KDM6A: variants seen among roughly 807,000 people sequenced by gnomAD.
KDM6A encodes lysine-specific demethylase 6A.
A neutral mutation model predicts 117.6 loss-of-function variants in KDM6A; 11 were observed. The ratio of observed to expected loss-of-function variants is 0.09; its 90% CI spans 0.06 to 0.15. KDM6A has a LOEUF of 0.15. Ranked by LOEUF, KDM6A falls within the 10% of genes least tolerant of loss-of-function variation. KDM6A has a pLI of 1.00. For missense variants in KDM6A, 799 were observed against 1,077.3 expected, an observed-to-expected ratio of 0.74 and a Z score of 3.62; for synonymous variants, 384 against 396.1, an observed-to-expected ratio of 0.97 and a Z score of 0.36.
At chrX:44,875,926 C>G (rs937215097) in intron 2 of KDM6A, among the ~76,000 whole-genome samples, 1 of 111,576 alleles carries the variant, frequency 9.0e-6, no homozygotes, top group Non-Finnish European at 1.9e-5. Context: ...AATATTAAAC[C>G]CTGCAGTTAT....
intron 8 of KDM6A, among the ~76,000 whole-genome samples, chrX:45,045,137 ATTG>A (rs1249894820): frequency 1.8e-5 from 2 of 111,872 alleles, no homozygotes; most frequent in African/African-American, 6.5e-5. Flanking sequence ...GTAAATTTGT[ATTG>A]TTGTGAATCT....
At position 44,899,224 on chromosome X, in the gene KDM6A, CGTGTGTGTGT is replaced by C. The variant is rs572085670; in HGVS notation, c.225+25268_225+25277del. ...GAGGAAGGGAGGGTGTGTGTGTATGCGTGTGTGTGTGTGTGTGTGTGTGTGTGTGTGTGTG... is the reference window on the plus strand; with the variant it reads ...GAGGAAGGGAGGGTGTGTGTGTATGCGTGTGTGTGTGTGTGTGTGTGTGTG... On this transcript the variant is annotated intron_variant, in intron 2 of 29. Transcript: ENST00000611820. Among the ~76,000 whole-genome samples the C allele has an allele frequency of 9.3e-4, 46 of 49,284 alleles. 1 individual carries two copies. Among genetic ancestry groups the C allele is most frequent in the African/African-American group, 2.8e-3 (34 of 12,075 alleles). The allele number at this position is 49,284 out of a possible 115,157, so 42.8% of individuals were successfully genotyped here. A position where few individuals can be genotyped will look rare whatever the true frequency, so the allele number is the denominator to read the frequency against.
intron 5 of KDM6A, among the ~76,000 whole-genome samples, chrX:45,013,059 A>G (rs1480376924): frequency 5.4e-5 from 6 of 111,986 alleles, no homozygotes; most frequent in Admixed American, 9.5e-5. Context: ...TTCAAATTCT[A>G]AACTTCTAGA....
chrX:44,910,706 C>T (rs1025697703), intron 2 of KDM6A, among the ~76,000 whole-genome samples: 5 of 109,488 alleles, frequency 4.6e-5, no homozygotes, highest in African/African-American at 6.7e-5. Flanking sequence ...TGACTCTTAA[C>T]GAGCATGCTG....
At chrX:45,076,663 G>T (rs1602910108) in intron 18 of KDM6A, 34 bp from the exon 19 acceptor site, 92 of 915,037 alleles carry the variant, frequency 1.0e-4, no homozygotes, top group Middle Eastern at 2.8e-4. Context: ...CCAAATAAAT[G>T]TACAACTGAT....
intron 2 of KDM6A, among the ~76,000 whole-genome samples, chrX:44,915,592 A>G (rs1436556158): frequency 8.9e-6 from 1 of 112,228 alleles, no homozygotes; most frequent in Non-Finnish European, 1.9e-5. Flanking sequence ...GTCAGAAAAT[A>G]TTAAATGGAA....
intron 2 of KDM6A, among the ~76,000 whole-genome samples, chrX:44,882,104 T>G (rs1025735780): frequency 8.9e-6 from 1 of 112,223 alleles, no homozygotes; most frequent in African/African-American, 3.2e-5. Flanking sequence ...CATTTTAGTT[T>G]AGAACAGTGG....
At chrX:45,018,375 C>T (rs1269155743) in intron 5 of KDM6A, among the ~76,000 whole-genome samples, 3 of 111,287 alleles carry the variant, frequency 2.7e-5, no homozygotes, top group Non-Finnish European at 5.7e-5. Context: ...AAAGAGTAAA[C>T]GTAGACAACT....
intron 14 of KDM6A, 55 bp from the exon 15 acceptor site, chrX:45,061,269 A>C: frequency 4.4e-6 from 3 of 679,762 alleles, no homozygotes; most frequent in Non-Finnish European, 7.0e-6. Context: ...ATTATTATTA[A>C]CTGTGGATTT....
intron 3 of KDM6A, among the ~76,000 whole-genome samples, chrX:44,971,302 C>A (rs898943405): frequency 8.9e-6 from 1 of 111,744 alleles, no homozygotes; most frequent in Non-Finnish European, 1.9e-5. Flanking sequence ...CATAGTCTAA[C>A]GTCCTTCCAG....
chrX:44,909,198 A>G (rs2034927819), intron 2 of KDM6A, among the ~76,000 whole-genome samples: 1 of 112,160 alleles, frequency 8.9e-6, no homozygotes, highest in East Asian at 2.8e-4. Context: ...GAACCGTATA[A>G]TAGGTACCCT....
intron 2 of KDM6A, among the ~76,000 whole-genome samples, chrX:44,900,168 A>T (rs989119199): frequency 1.1e-4 from 12 of 112,502 alleles, no homozygotes; most frequent in African/African-American, 3.9e-4. Context: ...TACCAGTATA[A>T]CATAACATTC....
chrX:45,022,829 A>G lies in KDM6A; in HGVS notation c.564+2099A>G, dbSNP rs377373373. The stretch of plus-strand genomic sequence containing the variant: ...TTAAAATAATAAAAAATATGCTCCT[A>G]TGTGAAGTCTAGCCTTCAGGATTGG... On this transcript the variant is annotated intron_variant, in intron 6 of 29. Coordinates refer to ENST00000611820, the MANE Select transcript of KDM6A (RefSeq NM_001291415.2). Among the ~76,000 whole-genome samples the G allele has an allele frequency of 2.9e-3, 320 of 111,888 alleles. 5 individuals are homozygous for G. In the South Asian group the frequency reaches 0.063, roughly 22 times the overall value.
intron 2 of KDM6A, among the ~76,000 whole-genome samples, chrX:44,933,856 G>A (rs949840434): frequency 3.6e-5 from 4 of 112,082 alleles, no homozygotes; most frequent in Admixed American, 9.4e-5. Context: ...GGGATTACAG[G>A]CGTGAGCCAC....
intron 2 of KDM6A, among the ~76,000 whole-genome samples, chrX:44,897,748 G>T (rs1337963098): frequency 9.1e-6 from 1 of 109,835 alleles, no homozygotes; most frequent in Admixed American, 9.8e-5. Flanking sequence ...TTGTTTTTTT[G>T]TTTTTTTTGA....
chrX:44,921,420 G>C (rs1320103628), intron 2 of KDM6A, among the ~76,000 whole-genome samples: 1 of 111,138 alleles, frequency 9.0e-6, no homozygotes, highest in Non-Finnish European at 1.9e-5. Flanking sequence ...AATTTTATTA[G>C]GTGTAGTTTC....
At chrX:44,924,844 A>G (rs996230480) in intron 2 of KDM6A, among the ~76,000 whole-genome samples, 1 of 110,628 alleles carries the variant, frequency 9.0e-6, no homozygotes, top group African/African-American at 3.3e-5. Flanking sequence ...GTGTACCACC[A>G]CGCCTGGCTA....
intron 2 of KDM6A, among the ~76,000 whole-genome samples, chrX:44,929,074 G>A (rs912337639): frequency 1.8e-5 from 2 of 110,138 alleles, no homozygotes; most frequent in Admixed American, 1.9e-4. Context: ...GAGACTACAG[G>A]TGCGCGCCAC....
At chrX:45,110,503 A>G (rs1321444549) in intron 29 of KDM6A, among the ~76,000 whole-genome samples, 2 of 111,748 alleles carry the variant, frequency 1.8e-5, no homozygotes, top group Non-Finnish European at 3.8e-5. Context: ...ACATTTAAAA[A>G]TCTTTGCGTG....
Sources: allele counts gnomAD v4.1 joint callset (sites outside exome capture counted in the v4.1 genomes callset), GRCh38; gene constraint gnomAD v4.1.1; transcripts MANE v1.5; gene names NCBI Gene and HGNC (gene_info 2026-07-23, HGNC 2026-07-21).